CLIP1: variants seen among roughly 807,000 people sequenced by gnomAD.
The protein encoded by CLIP1 is CAP-Gly domain-containing linker protein 1.
In CLIP1, 66 loss-of-function variants were observed where a neutral mutation model predicts 161.6. That is an observed-to-expected ratio of 0.41 (90% confidence interval 0.33 to 0.50). The LOEUF (loss-of-function observed/expected upper bound fraction) is 0.50. Ranked by LOEUF, CLIP1 falls within the 20% of genes least tolerant of loss-of-function variation. CLIP1 has a pLI of 0.27. For synonymous variants in CLIP1, 598 were observed against 626.2 expected, an observed-to-expected ratio of 0.96 and a Z score of 0.67; for missense variants, 1,376 against 1,702.0, an observed-to-expected ratio of 0.81 and a Z score of 3.37.
chr12:122,409,695 C>A, intron 1 of CLIP1, among the ~76,000 whole-genome samples: 1 of 151,026 alleles, frequency 6.6e-6, no homozygotes, highest in Non-Finnish European at 1.5e-5. Context: ...CCACCCCCAG[C>A]TAGTTTTTGT....
chr12:122,334,254 T>A, intron 13 of CLIP1, 144 bp from the exon 14 acceptor site: 1 of 631,994 alleles, frequency 1.6e-6, no homozygotes, highest in Middle Eastern at 4.2e-4. Context: ...ACAAATCACA[T>A]GGCTGTGTCC....
chr12:122,360,900 G>T, intron 5 of CLIP1, 59 bp downstream of exon 5: 1 of 1,412,306 alleles, frequency 7.1e-7, no homozygotes, highest in South Asian at 1.3e-5. Flanking sequence ...CAGGGGCACT[G>T]ACCACGGGCC....
chr12:122,345,839 G>C (rs1016016995), intron 10 of CLIP1, among the ~76,000 whole-genome samples: 28 of 151,480 alleles, frequency 1.8e-4, no homozygotes, highest in African/African-American at 6.3e-4. Flanking sequence ...AGGCTGGAGT[G>C]CAATGGCGTG....
chr12:122,308,151 A>G (rs1011841561), intron 20 of CLIP1, among the ~76,000 whole-genome samples: 1 of 152,318 alleles, frequency 6.6e-6, no homozygotes, highest in Non-Finnish European at 1.5e-5. Context: ...CTAAACAAGG[A>G]AGCATGATGT....
Position 122,273,047 on chromosome 12 carries a change from CA to C in CLIP1, c.4144del (p.Cys1382ValfsTer77). ...KKKPRLFCDI[C>X]DCFDLHDTED... ...TGTGTCGTGGAGATCAAAGCAGTCA[CA>C]AATGTCACAGAAGAGGCGAGGTTTC... On this transcript the variant is annotated frameshift_variant, in exon 26 of 26. Transcript: ENST00000620786. LOFTEE classifies it high-confidence loss of function. 1.9e-6 allele frequency: 3 copies of C among 1,614,172 alleles called. No homozygotes were observed. The highest frequency in any genetic ancestry group is 2.5e-6 in the Non-Finnish European group (3 of 1,180,034).
chr12:122,405,431 G>T (rs955888926), intron 1 of CLIP1, among the ~76,000 whole-genome samples: 13 of 152,044 alleles, frequency 8.6e-5, no homozygotes, highest in Non-Finnish European at 1.6e-4. Context: ...CTTCATACAC[G>T]ATATATTATA....
chr12:122,340,718 T>A, intron 11 of CLIP1, 35 bp downstream of exon 11: 1 of 1,471,618 alleles, frequency 6.8e-7, no homozygotes, highest in Non-Finnish European at 9.2e-7. Context: ...GAATAACAAA[T>A]GGAAAAGAAA....
At chr12:122,347,916 C>T (rs1018757290) in intron 9 of CLIP1, among the ~76,000 whole-genome samples, 4 of 151,992 alleles carry the variant, frequency 2.6e-5, no homozygotes, top group Non-Finnish European at 5.9e-5. Context: ...GTATATTGAC[C>T]CTCAGAATGA....
chr12:122,404,907 A>AC, intron 1 of CLIP1, among the ~76,000 whole-genome samples: 1 of 150,014 alleles, frequency 6.7e-6, no homozygotes, highest in Admixed American at 6.6e-5. Flanking sequence ...CTCAAAAAAA[A>AC]AAAACAAAAC....
intron 5 of CLIP1, among the ~76,000 whole-genome samples, chr12:122,356,938 T>G (rs573804496): frequency 6.6e-6 from 1 of 152,364 alleles, no homozygotes; most frequent in East Asian, 1.9e-4. Flanking sequence ...GTTCACTCAG[T>G]GCTCAATGGT....
chr12:122,420,751 C>CA, intron 1 of CLIP1, among the ~76,000 whole-genome samples: 2 of 151,938 alleles, frequency 1.3e-5, no homozygotes, highest in Admixed American at 1.3e-4. Flanking sequence ...GCCTGGGCAA[C>CA]GTGGTGAAAC....
At position 122,355,408 on chromosome 12, in the gene CLIP1, A is replaced by T. The variant is rs1953287617; in HGVS notation, c.1006-96T>A. 8.9e-7 allele frequency: 1 copy of T among 1,121,744 alleles called. No individual in the cohort carries two copies. The highest frequency in any genetic ancestry group is 1.3e-6 in the Non-Finnish European group (1 of 767,520). The allele number at this position is 1,121,744 out of a possible 1,614,324, so 69.5% of individuals were successfully genotyped here. ...ATGGCGGGCATCTGCTCGGCAAAGCAAGGGCGCTGCTCCAGCTGGCAGGCT... is the reference window on the plus strand; with the variant it reads ...ATGGCGGGCATCTGCTCGGCAAAGCTAGGGCGCTGCTCCAGCTGGCAGGCT... On this transcript the variant is annotated intron_variant, in intron 5 of 25. Coordinates refer to ENST00000620786, the MANE Select transcript of CLIP1 (RefSeq NM_001247997.2). This position sits in a 1 kb window ranked among gnomAD's most constrained non-coding sequence, Gnocchi z 4.1.
At chr12:122,360,665 T>C (rs1953733388) in intron 5 of CLIP1, among the ~76,000 whole-genome samples, 1 of 152,204 alleles carries the variant, frequency 6.6e-6, no homozygotes, top group African/African-American at 2.4e-5. Context: ...AGAAAATAAT[T>C]TGACCCCTGT....
At chr12:122,373,703 T>C (rs6488939) in intron 3 of CLIP1, among the ~76,000 whole-genome samples, 106,390 of 152,014 alleles carry the variant, frequency 0.7, 38,077 homozygotes, top group East Asian at 0.85. Flanking sequence ...ATGATTAAAT[T>C]AGGTATAGTA....
intron 1 of CLIP1, among the ~76,000 whole-genome samples, chr12:122,412,956 G>A (rs1030395044): frequency 3.2e-4 from 48 of 152,156 alleles, no homozygotes; most frequent in African/African-American, 7.9e-4. Flanking sequence ...AGCAAGCTAC[G>A]TATCCCTTTC....
At chr12:122,401,650 C>A (rs1956147086) in intron 1 of CLIP1, among the ~76,000 whole-genome samples, 1 of 151,266 alleles carries the variant, frequency 6.6e-6, no homozygotes, top group South Asian at 2.1e-4. Flanking sequence ...GAAAGTAGGT[C>A]AATGAAGCTA....
intron 7 of CLIP1, 81 bp from the exon 8 acceptor site, chr12:122,352,867 A>C: frequency 8.0e-7 from 1 of 1,257,362 alleles, no homozygotes; most frequent in Non-Finnish European, 1.2e-6. Context: ...ACAAACAAAA[A>C]AACACGTTGG....
At chr12:122,346,433 G>T (rs532255298) in intron 10 of CLIP1, among the ~76,000 whole-genome samples, 1 of 152,274 alleles carries the variant, frequency 6.6e-6, no homozygotes, top group East Asian at 1.9e-4. Context: ...TAAGCACAAT[G>T]AGCTCAGGGC....
Position 122,380,497 on chromosome 12 carries a change from A to G in CLIP1, c.-45T>C, listed in dbSNP as rs1354796705. 5 of 1,249,568 alleles carry G rather than the reference A, an allele frequency of 4.0e-6. No homozygotes were observed. The highest frequency in any genetic ancestry group is 2.3e-5 in the East Asian group (1 of 42,886). 77.4% of individuals were successfully genotyped at this position (1,249,568 alleles called of 1,614,324 possible). ...TGTTTCTCCTTTGCCTGTTGCCACTATCTTTCCCCAACCATTGATACAACT... is the reference window on the plus strand; with the variant it reads ...TGTTTCTCCTTTGCCTGTTGCCACTGTCTTTCCCCAACCATTGATACAACT... On this transcript the variant is annotated 5_prime_UTR_variant, in exon 2 of 26. An upstream open reading frame in the 5' UTR loses its in-frame stop. Transcript: ENST00000620786.
Sources: gnomAD v4.1 joint callset for allele counts (sites outside exome capture counted in the v4.1 genomes callset) on GRCh38, gnomAD v4.1.1 for gene constraint, Gnocchi (gnomAD v3.1) non-coding constraint, MANE v1.5 for transcripts, NCBI Gene and HGNC (gene_info 2026-07-23, HGNC 2026-07-21) for gene names.